NOSTRIN: variants seen among roughly 807,000 people sequenced by gnomAD.
NOSTRIN encodes nitric oxide synthase trafficking.
NOSTRIN carries 63 observed loss-of-function variants against 59.0 expected under a neutral mutation model. The observed-to-expected ratio is 1.07, with a 90% CI of 0.87 to 1.32. The LOEUF is 1.32. NOSTRIN is among the 40% of genes most tolerant of loss of function. The pLI, the probability that NOSTRIN is intolerant of heterozygous loss-of-function variation, is 0.00. For missense variants in NOSTRIN, 512 were observed against 473.1 expected (o/e 1.08, Z -0.76); for synonymous variants, 200 against 165.4 (o/e 1.21, Z -1.61).
intron 1 of NOSTRIN, among the ~76,000 whole-genome samples, chr2:168,803,910 C>G (rs1244460803): frequency 6.6e-6 from 1 of 152,096 alleles, no homozygotes; most frequent in African/African-American, 2.4e-5. Context: ...ACTGTTAAAT[C>G]CTCTCCTGTC....
Position 168,835,000 on chromosome 2 carries a change from G to GA in NOSTRIN, c.504+680dup, listed in dbSNP as rs199925489. ...GATAATCATTAAGTAATGTTTTCAGGAAAAATGTATACTTGGAGCAAGGTT... is the reference window on the plus strand; with the variant it reads ...GATAATCATTAAGTAATGTTTTCAGGAAAAAATGTATACTTGGAGCAAGGTT... On this transcript the variant is annotated intron_variant, in intron 7 of 15. Coordinates refer to ENST00000317647, the MANE Select transcript of NOSTRIN (RefSeq NM_001039724.4). Among the ~76,000 whole-genome samples the GA allele has an allele frequency of 3.7e-3, 563 of 152,094 alleles. 3 individuals carry two copies. Among genetic ancestry groups the GA allele is most frequent in the African/African-American group, 0.013 (535 of 41,498 alleles).
chr2:168,855,638 C>CAAAAAAAAAAAAAAAAAAAAAGAAAAAA, intron 11 of NOSTRIN, 178 bp downstream of exon 11: 4 of 115,538 alleles, frequency 3.5e-5, no homozygotes, highest in African/African-American at 1.4e-4. Flanking sequence ...AAAAGAAAGC[C>CAAAAAAAAAAAAAAAAAAAAAGAAAAAA]AAAAAAAAAA....
intron 1 of NOSTRIN, among the ~76,000 whole-genome samples, chr2:168,808,981 AT>A (rs1686005019): frequency 6.6e-6 from 1 of 152,232 alleles, no homozygotes; most frequent in Non-Finnish European, 1.5e-5. Flanking sequence ...TGAGTACATA[AT>A]GTGTATTATT....
intron 1 of NOSTRIN, among the ~76,000 whole-genome samples, chr2:168,809,516 A>G (rs982742715): frequency 5.9e-5 from 9 of 152,162 alleles, no homozygotes; most frequent in African/African-American, 2.2e-4. Flanking sequence ...TAAGTATTAT[A>G]GAAGAAAACA....
chr2:168,853,416 TTGTTATC>T (rs1688888851), intron 10 of NOSTRIN, among the ~76,000 whole-genome samples: 1 of 152,132 alleles, frequency 6.6e-6, no homozygotes, highest in Non-Finnish European at 1.5e-5. Flanking sequence ...GTTCAAAAGA[TTGTTATC>T]TGTAATTTTA....
At chr2:168,835,365 C>A (rs1000132992) in intron 7 of NOSTRIN, among the ~76,000 whole-genome samples, 1 of 152,142 alleles carries the variant, frequency 6.6e-6, no homozygotes, top group Non-Finnish European at 1.5e-5. Flanking sequence ...AGGCATGAGC[C>A]ACCGCCCCTG....
intron 15 of NOSTRIN, chr2:168,863,385 T>C: frequency 1.0e-6 from 1 of 983,646 alleles, no homozygotes; most frequent in Non-Finnish European, 1.2e-6. Context: ...AGAAAGAAAG[T>C]TGCTGAGGAA....
upstream of NOSTRIN, among the ~76,000 whole-genome samples, chr2:168,794,031 A>G (rs913176502): frequency 6.6e-6 from 1 of 152,144 alleles, no homozygotes; most frequent in East Asian, 1.9e-4. Flanking sequence ...TAATCTGTCT[A>G]TCATATCTAT....
chr2:168,823,278 A>C (rs1384173769), intron 2 of NOSTRIN, among the ~76,000 whole-genome samples: 1 of 152,154 alleles, frequency 6.6e-6, no homozygotes, highest in Non-Finnish European at 1.5e-5. Context: ...GGCCTCCCAA[A>C]ATGCTAGGAT....
chr2:168,849,599 A>G (rs1459281534), intron 8 of NOSTRIN, among the ~76,000 whole-genome samples: 1 of 139,742 alleles, frequency 7.2e-6, no homozygotes, highest in Non-Finnish European at 1.5e-5. Flanking sequence ...CAGGTAGTTC[A>G]CCCGTCTCGG....
At chr2:168,835,232 G>A (rs947507873) in intron 7 of NOSTRIN, among the ~76,000 whole-genome samples, 3 of 151,374 alleles carry the variant, frequency 2.0e-5, no homozygotes, top group African/African-American at 7.3e-5. Flanking sequence ...GCACCACCAT[G>A]CTCGGCTAAT....
chr2:168,816,501 C>A (rs555364819), intron 2 of NOSTRIN, among the ~76,000 whole-genome samples: 56 of 152,260 alleles, frequency 3.7e-4, no homozygotes, highest in Non-Finnish European at 5.6e-4. Flanking sequence ...GCATCACCAC[C>A]ACCACCACCA....
At position 168,855,277 on chromosome 2, in the gene NOSTRIN, G is replaced by A; in HGVS notation, c.856-75G>A. Reference sequence around the variant, plus strand: ...AAGTTAAAATTAAATGCAGCCAGTGGAAGTATCAGAATGGACAGGGAATAG... The same window carrying A: ...AAGTTAAAATTAAATGCAGCCAGTGAAAGTATCAGAATGGACAGGGAATAG... On this transcript the variant is annotated intron_variant, in intron 10 of 15. Transcript: ENST00000317647. 4.7e-6 allele frequency: 3 copies of A among 643,036 alleles called. No individual in the cohort carries two copies. In the East Asian group the frequency reaches 8.7e-5, roughly 19 times the overall value. 39.8% of individuals were successfully genotyped at this position (643,036 alleles called of 1,614,324 possible). A position where few individuals can be genotyped will look rare whatever the true frequency, so the allele number is the denominator to read the frequency against.
At chr2:168,791,924 T>G (rs958374465) in intron 2 of NOSTRIN, among the ~76,000 whole-genome samples, 3 of 152,190 alleles carry the variant, frequency 2.0e-5, no homozygotes, top group East Asian at 1.9e-4. Flanking sequence ...TTTCTCCCAT[T>G]GTGTAGGTTG....
rs1688651229 is a variant in NOSTRIN, at chr2:168,849,887, T to C, written c.631-1197T>C. 2.7e-5 allele frequency among the ~76,000 whole-genome samples: 4 copies of C among 150,836 alleles called. No individual in the cohort carries two copies. In the South Asian group the frequency reaches 8.4e-4, roughly 32 times the overall value. On this transcript the variant is annotated intron_variant, in intron 8 of 15. Transcript: ENST00000317647. Reference sequence around the variant, plus strand: ...GTAAAACCACCAGTCAGCAACTCAGTTGGCATGGGTCCAATAAGTAACATT... The same window carrying C: ...GTAAAACCACCAGTCAGCAACTCAGCTGGCATGGGTCCAATAAGTAACATT...
intron 7 of NOSTRIN, among the ~76,000 whole-genome samples, chr2:168,837,551 C>T (rs1687810328): frequency 6.6e-6 from 1 of 151,966 alleles, no homozygotes; most frequent in South Asian, 2.1e-4. Flanking sequence ...CTTCGTGATC[C>T]GCCCGCCTCG....
In NOSTRIN at chr2:168,844,368, TA is replaced by T. The variant is rs1484664715; in HGVS notation, c.630+1252del. On this transcript the variant is annotated intron_variant, in intron 8 of 15. Coordinates refer to ENST00000317647, the MANE Select transcript of NOSTRIN (RefSeq NM_001039724.4). ...AGTAAGAACATGAATATTTTGGTTT[TA>T]TTTTTCCCCACCTGTTTTAAGTTTA... Among the ~76,000 whole-genome samples the T allele has an allele frequency of 9.6e-5, 14 of 145,166 alleles. No homozygotes were observed. The Admixed American group carries it at 9.9e-4, about 10-fold the overall frequency.
chr2:168,851,419 G>GA lies in NOSTRIN; in HGVS notation c.855+24dup, dbSNP rs756629447. On this transcript the variant is annotated intron_variant, in intron 10 of 15. Transcript: ENST00000317647. Reference sequence around the variant, plus strand: ...CGGATTACTTTGTGAGTATGAAATGGAAAAAAAAAGTTACATTAATGGAGA... The same window carrying GA: ...CGGATTACTTTGTGAGTATGAAATGGAAAAAAAAAAGTTACATTAATGGAGA... 1.5e-4 allele frequency: 229 copies of GA among 1,573,328 alleles called. No homozygotes were observed. Among genetic ancestry groups the GA allele is most frequent in the Admixed American group, 5.8e-4 (29 of 49,636 alleles).
At chr2:168,855,638 CAAAAAA>C in intron 11 of NOSTRIN, 178 bp downstream of exon 11, 11 of 116,240 alleles carry the variant, frequency 9.5e-5, no homozygotes, top group African/African-American at 2.8e-4. Flanking sequence ...AAAAGAAAGC[CAAAAAA>C]AAAAAAAAAA....
Sources: allele counts gnomAD v4.1 joint callset (sites outside exome capture counted in the v4.1 genomes callset), GRCh38; gene constraint gnomAD v4.1.1; transcripts MANE v1.5; gene names NCBI Gene and HGNC (gene_info 2026-07-23, HGNC 2026-07-21).